PRRC2B: variants seen among roughly 807,000 people sequenced by gnomAD.
The protein encoded by PRRC2B is proline rich coiled-coil 2B.
PRRC2B carries 68 observed loss-of-function variants against 242.3 expected under a neutral mutation model. The ratio of observed to expected loss-of-function variants is 0.28; its 90% CI spans 0.23 to 0.34. The LOEUF (loss-of-function observed/expected upper bound fraction) is 0.34. Ranked by LOEUF, PRRC2B falls within the 10% of genes least tolerant of loss-of-function variation. The pLI is 1.00. For missense variants in PRRC2B, 2,835 were observed against 2,954.8 expected (o/e 0.96, Z 0.94); for synonymous variants, 1,228 against 1,173.6 (o/e 1.05, Z -0.95).
At chr9:131,406,063 C>T (rs771486069) in intron 1 of PRRC2B, among the ~76,000 whole-genome samples, 1 of 152,174 alleles carries the variant, frequency 6.6e-6, no homozygotes, top group Non-Finnish European at 1.5e-5. Flanking sequence ...TAGACCGCAG[C>T]TATTAATGGT....
intron 9 of PRRC2B, among the ~76,000 whole-genome samples, chr9:131,448,661 TC>T (rs1181608274): frequency 1.3e-5 from 2 of 150,876 alleles, no homozygotes; most frequent in East Asian, 3.9e-4. Context: ...CTCAAACTCT[TC>T]CTCCTTCCTC....
rs892905599 is a variant in PRRC2B, at chr9:131,446,999, C to T, written c.856-86C>T. 16 of 1,545,230 alleles carry T rather than the reference C, an allele frequency of 1.0e-5. No individual in the cohort carries two copies. Among genetic ancestry groups the T allele is most frequent in the Non-Finnish European group, 1.3e-5 (15 of 1,129,784 alleles). ...TTTCCTGTTTCTTTTTCCCATTTTC[C>T]ACTTTATAAAACACATTCTGATTTA... On this transcript the variant is annotated intron_variant, in intron 7 of 31. Transcript: ENST00000683519. This position sits in a 1 kb window ranked among gnomAD's most constrained non-coding sequence, Gnocchi z 4.1.
Position 131,476,139 on chromosome 9 carries a change from G to C in PRRC2B, c.4010G>C (p.Gly1337Ala), listed in dbSNP as rs776028262. The change falls in exon 16 of 32, where the codon GGT becomes GCT. Residue 1337 changes from glycine to alanine, a missense_variant. Gly to Ala is a moderately conservative substitution (Grantham distance 60). Around this residue, in one of 7 missense-constraint regions of PRRC2B, gnomAD observed 1,536 missense variants for 1,483.1 expected, o/e 1.04. Coordinates refer to ENST00000683519, the MANE Select transcript of PRRC2B (RefSeq NM_013318.4). Reference protein sequence around the residue: ...GPEEEPHLLAGQWPGRPKLCS... With the variant: ...GPEEEPHLLAAQWPGRPKLCS... Reference sequence around the variant, plus strand: ...GAGGAGGAGCCCCACCTGCTGGCAGGTCAGTGGCCAGGCAGGCCCAAACTG... The same window carrying C: ...GAGGAGGAGCCCCACCTGCTGGCAGCTCAGTGGCCAGGCAGGCCCAAACTG... 9.9e-6 allele frequency: 16 copies of C among 1,611,416 alleles called. No homozygotes were observed. The South Asian group carries it at 1.5e-4, about 15-fold the overall frequency.
rs1246674607 is a variant in PRRC2B at position 131,419,358 on chromosome 9, A to G, written c.-51-10736A>G. ...TGTTTGAAGGTCTGCTCTCTGTACC[A>G]GCACCCTTAAACTGTGACACTTAAA... On this transcript the variant is annotated intron_variant, in intron 1 of 31. Transcript: ENST00000683519. Among the ~76,000 whole-genome samples, 3 of 152,314 alleles carry G rather than the reference A, an allele frequency of 2.0e-5. No individual in the cohort carries two copies. The East Asian group carries it at 5.8e-4, about 29-fold the overall frequency.
At position 131,474,351 on chromosome 9, in the gene PRRC2B, TTTTG is replaced by T; in HGVS notation, c.2325-99_2325-96del. On this transcript the variant is annotated intron_variant, in intron 15 of 31. Coordinates refer to ENST00000683519, the MANE Select transcript of PRRC2B (RefSeq NM_013318.4). ...CTTTCTTTTTAAAAAGTGTTTTAGT[TTTTG>T]TTTTTGTTTTTTCTTTTTAAAACTA... The T allele has an allele frequency of 2.0e-5, 21 of 1,040,706 alleles. No homozygotes were observed. The South Asian group carries it at 3.8e-4, about 19-fold the overall frequency. The allele number at this position is 1,040,706 out of a possible 1,614,324, so 64.5% of individuals were successfully genotyped here. A position where few individuals can be genotyped will look rare whatever the true frequency, so the allele number is the denominator to read the frequency against.
At chr9:131,481,357 A>G (rs1588277752) in intron 19 of PRRC2B, among the ~76,000 whole-genome samples, 1 of 152,126 alleles carries the variant, frequency 6.6e-6, no homozygotes, top group East Asian at 1.9e-4. Flanking sequence ...TTAATGTAAA[A>G]AAAGAGAAGC....
At chr9:131,479,005 C>T (rs1043390210) in intron 18 of PRRC2B, among the ~76,000 whole-genome samples, 7 of 152,102 alleles carry the variant, frequency 4.6e-5, no homozygotes, top group Admixed American at 2.0e-4. Flanking sequence ...ATCGTGAACG[C>T]TATACTAAAA....
At chr9:131,468,910 G>T (rs1012124423) in intron 13 of PRRC2B, among the ~76,000 whole-genome samples, 4 of 152,084 alleles carry the variant, frequency 2.6e-5, no homozygotes, top group African/African-American at 4.8e-5. Flanking sequence ...GCACTGCACA[G>T]TTACTCATGT....
At chr9:131,399,387 GGCT>G (rs1490032391) in intron 1 of PRRC2B, among the ~76,000 whole-genome samples, 2 of 151,592 alleles carry the variant, frequency 1.3e-5, no homozygotes, top group African/African-American at 4.9e-5. Flanking sequence ...AGACCATCCT[GGCT>G]AACACGATGA....
At position 131,467,604 on chromosome 9, in the gene PRRC2B, C is replaced by T; in HGVS notation, c.1762C>T (p.Pro588Ser). 6.2e-7 allele frequency: 1 copy of T among 1,612,870 alleles called. No homozygotes were observed. Among genetic ancestry groups the T allele is most frequent in the Non-Finnish European group, 8.5e-7 (1 of 1,179,462 alleles). Reference sequence around the variant, plus strand: ...TGCCCAAGAGACCCCCACCACATTCCCAGAAGAGGCACCCACAGTGTCCCC... The same window carrying T: ...TGCCCAAGAGACCCCCACCACATTCTCAGAAGAGGCACCCACAGTGTCCCC... Reference protein sequence around the residue: ...FPAQETPTTFPEEAPTVSPAV... With the variant: ...FPAQETPTTFSEEAPTVSPAV... The change falls in exon 13 of 32, where the codon CCA becomes TCA. Residue 588 changes from proline to serine, a missense_variant. Transcript: ENST00000683519.
intron 1 of PRRC2B, among the ~76,000 whole-genome samples, chr9:131,385,485 G>T (rs1386651036): frequency 6.7e-6 from 1 of 150,348 alleles, no homozygotes; most frequent in Admixed American, 6.9e-5. Context: ...CCCTGGAAAG[G>T]CTAAACTTCC....
intron 3 of PRRC2B, among the ~76,000 whole-genome samples, chr9:131,436,032 T>G (rs1030187096): frequency 6.6e-6 from 1 of 152,214 alleles, no homozygotes; most frequent in Admixed American, 6.5e-5. Context: ...CAGAGAAGGT[T>G]AAAAAGTCAG....
intron 20 of PRRC2B, 86 bp downstream of exon 20, chr9:131,481,894 C>A: frequency 8.3e-7 from 1 of 1,203,058 alleles, no homozygotes; most frequent in Non-Finnish European, 1.2e-6. Context: ...TTGCTGTGGC[C>A]CACCCAAGCC....
chr9:131,394,609 A>G (rs1008511365), intron 1 of PRRC2B, among the ~76,000 whole-genome samples: 2 of 150,852 alleles, frequency 1.3e-5, no homozygotes, highest in Admixed American at 1.3e-4. Context: ...GCCGGGCTGC[A>G]GAGGCCGGAG....
At chr9:131,389,912 G>GTTTTTTTTT (rs1229622613), upstream of PRRC2B, among the ~76,000 whole-genome samples, 1 of 136,384 alleles carries the variant, frequency 7.3e-6, no homozygotes, top group Non-Finnish European at 1.6e-5. Context: ...TCGGAACATG[G>GTTTTTTTTT]TTGTTTTTTT....
chr9:131,410,435 C>G (rs539608026), intron 1 of PRRC2B, among the ~76,000 whole-genome samples: 4 of 152,318 alleles, frequency 2.6e-5, no homozygotes, highest in African/African-American at 2.4e-5. Flanking sequence ...CAGGGAGTAC[C>G]GTGGGCAGGT....
upstream of PRRC2B, among the ~76,000 whole-genome samples, chr9:131,392,697 T>C (rs559640402): frequency 7.6e-4 from 115 of 152,248 alleles, no homozygotes; most frequent in African/African-American, 2.5e-3. Context: ...TGGATCACTT[T>C]AGCGCAGGAG....
chr9:131,433,427 A>G (rs537171730), intron 3 of PRRC2B, among the ~76,000 whole-genome samples: 1 of 152,316 alleles, frequency 6.6e-6, no homozygotes, highest in South Asian at 2.1e-4. Context: ...TGTCAATCAG[A>G]GAAACAGCCC....
intron 9 of PRRC2B, among the ~76,000 whole-genome samples, chr9:131,454,324 A>G (rs1588261030): frequency 6.6e-6 from 1 of 152,358 alleles, no homozygotes; most frequent in Non-Finnish European, 1.5e-5. Context: ...GCCTGGGGCA[A>G]GTGGTAACTC....
Sources: gnomAD v4.1 joint callset for allele counts (sites outside exome capture counted in the v4.1 genomes callset) on GRCh38, gnomAD v4.1.1 for gene constraint, gnomAD v4.1.1 regional missense constraint, Gnocchi (gnomAD v3.1) non-coding constraint, MANE v1.5 for transcripts, NCBI Gene and HGNC (gene_info 2026-07-23, HGNC 2026-07-21) for gene names.